PDE11A: variants seen among roughly 807,000 people sequenced by gnomAD.
PDE11A encodes dual 3',5'-cyclic-AMP and -GMP phosphodiesterase 11A.
PDE11A carries 100 observed loss-of-function variants against 100.5 expected under a neutral mutation model. The observed-to-expected ratio is 1.00, with a 90% confidence interval of 0.85 to 1.18. The LOEUF (loss-of-function observed/expected upper bound fraction) is 1.18, where lower values mean the gene tolerates loss of function less well. PDE11A is among the 50% of genes most tolerant of loss of function. PDE11A has a pLI of 0.00. For missense variants in PDE11A, 1,141 were observed against 1,152.6 expected (o/e 0.99, Z 0.15); for synonymous variants, 381 against 420.8 (o/e 0.91, Z 1.16).
intron 9 of PDE11A, 89 bp from the exon 10 acceptor site, chr2:177,769,462 TGTATATCACCTTGA>T: frequency 1.3e-6 from 1 of 757,800 alleles, no homozygotes; most frequent in Non-Finnish European, 2.3e-6. Context: ...GCTTTGCTTA[TGTATATCACCTTGA>T]TTTAAAGGTG....
At chr2:177,920,323 G>GA (rs2085021748) in intron 2 of PDE11A, among the ~76,000 whole-genome samples, 2 of 149,518 alleles carry the variant, frequency 1.3e-5, no homozygotes, top group South Asian at 2.1e-4. Flanking sequence ...CTCTAAGTAG[G>GA]AAAAAATCAG....
At chr2:177,980,778 G>A (rs984844832) in intron 2 of PDE11A, among the ~76,000 whole-genome samples, 7 of 150,496 alleles carry the variant, frequency 4.7e-5, no homozygotes, top group African/African-American at 1.5e-4. Flanking sequence ...TAAAAATTTC[G>A]AATTACAAAG....
At chr2:177,697,980 G>A (rs1212073435) in intron 14 of PDE11A, among the ~76,000 whole-genome samples, 2 of 152,156 alleles carry the variant, frequency 1.3e-5, no homozygotes, top group East Asian at 3.9e-4. Context: ...GTCACAAATG[G>A]CTAAGGTGCT....
intron 4 of PDE11A, chr2:177,888,569 G>A (rs13429906): frequency 0.029 from 5,960 of 207,636 alleles, 390 homozygotes; most frequent in African/African-American, 0.13. Flanking sequence ...AATCAAAAAA[G>A]GAGGTTAATA....
intron 19 of PDE11A, among the ~76,000 whole-genome samples, chr2:177,656,312 A>T (rs1447327208): frequency 6.6e-6 from 1 of 152,238 alleles, no homozygotes; most frequent in Non-Finnish European, 1.5e-5. Context: ...TACAGTATTC[A>T]GTGCAGTAAA....
upstream of PDE11A, chr2:178,072,872 G>C (rs939882794): frequency 2.6e-6 from 3 of 1,143,014 alleles, no homozygotes; most frequent in Non-Finnish European, 3.2e-6. Context: ...AGGGAGCCGC[G>C]GACGCCAGAC....
intron 10 of PDE11A, among the ~76,000 whole-genome samples, chr2:177,750,957 C>T (rs866581724): frequency 2.6e-5 from 4 of 152,084 alleles, no homozygotes; most frequent in Middle Eastern, 3.4e-3. Flanking sequence ...GCCCACTGCC[C>T]AACATTTTTT....
At chr2:178,085,438 A>G (rs1425891522) in intron 2 of PDE11A, among the ~76,000 whole-genome samples, 1 of 152,158 alleles carries the variant, frequency 6.6e-6, no homozygotes, top group African/African-American at 2.4e-5. Flanking sequence ...TATGCTCACT[A>G]CTTGGGTGAT....
chr2:177,758,175 T>C (rs57877880), intron 10 of PDE11A, among the ~76,000 whole-genome samples: 9,711 of 150,618 alleles, frequency 0.064, 335 homozygotes, highest in Middle Eastern at 0.15. Flanking sequence ...CAGGCGCCTG[T>C]AGTCCCAGCT....
intron 1 of PDE11A, among the ~76,000 whole-genome samples, chr2:178,051,303 T>C (rs2086823674): frequency 6.6e-6 from 1 of 152,132 alleles, no homozygotes; most frequent in African/African-American, 2.4e-5. Flanking sequence ...GACAAGCAAA[T>C]GCTGAGAGAT....
chr2:177,657,120 C>A (rs2080401407), intron 19 of PDE11A, among the ~76,000 whole-genome samples: 1 of 152,130 alleles, frequency 6.6e-6, no homozygotes, highest in Non-Finnish European at 1.5e-5. Context: ...GTGGAGGGGC[C>A]TATAAATTAC....
chr2:177,853,859 T>C (rs897959969), intron 5 of PDE11A, among the ~76,000 whole-genome samples: 1 of 144,758 alleles, frequency 6.9e-6, no homozygotes, highest in South Asian at 2.1e-4. Context: ...TGTATATATA[T>C]CTATATATGT....
intron 2 of PDE11A, among the ~76,000 whole-genome samples, chr2:178,101,786 A>G (rs2087562004): frequency 6.6e-6 from 1 of 152,162 alleles, no homozygotes. Context: ...TATTACCAGT[A>G]CCTAGTACCA....
At chr2:177,833,313 A>G (rs543104242) in intron 6 of PDE11A, among the ~76,000 whole-genome samples, 10 of 152,198 alleles carry the variant, frequency 6.6e-5, no homozygotes, top group Non-Finnish European at 1.3e-4. Context: ...ACATGTTGCA[A>G]ACTAAGTGAT....
chr2:178,050,596 C>T lies in PDE11A; in HGVS notation c.912+20930G>A, dbSNP rs556216118. ...GGGTGTTCGAACCCCTGCAAAGAAG[C>T]TAAAAACCTTGAAAAAAGATTGGAA... is the stretch of plus-strand genomic sequence containing the variant. On this transcript the variant is annotated intron_variant, in intron 1 of 19. Transcript: ENST00000286063. Among the ~76,000 whole-genome samples, 104 of 152,206 alleles carry T rather than the reference C, an allele frequency of 6.8e-4. No individual in the cohort carries two copies. In the Middle Eastern group the frequency reaches 0.01, roughly 15 times the overall value.
At chr2:177,643,645 G>C (rs749450635) in intron 19 of PDE11A, among the ~76,000 whole-genome samples, 3 of 152,114 alleles carry the variant, frequency 2.0e-5, no homozygotes, top group Non-Finnish European at 4.4e-5. Flanking sequence ...GCAGAAACTT[G>C]CATAAGTAAT....
At chr2:177,918,278 T>C (rs1376037289) in intron 2 of PDE11A, among the ~76,000 whole-genome samples, 1 of 152,218 alleles carries the variant, frequency 6.6e-6, no homozygotes, top group Non-Finnish European at 1.5e-5. Context: ...AAAGCCAAAA[T>C]ACTTTATTGC....
In PDE11A at chr2:178,025,852, A is replaced by G. The variant is rs562967878; in HGVS notation, c.913-11392T>C. 2.0e-5 allele frequency among the ~76,000 whole-genome samples: 3 copies of G among 152,316 alleles called. No homozygotes were observed. The South Asian group carries it at 6.2e-4, about 32-fold the overall frequency. ...AGGCACCTTTTTTTCTGACACAGTGAGACCATCTAAGAACTGCAATGAATC... is the reference window on the plus strand; with the variant it reads ...AGGCACCTTTTTTTCTGACACAGTGGGACCATCTAAGAACTGCAATGAATC... On this transcript the variant is annotated intron_variant, in intron 1 of 19. Transcript: ENST00000286063.
chr2:177,968,640 C>T (rs1305527539), intron 2 of PDE11A, among the ~76,000 whole-genome samples: 2 of 152,014 alleles, frequency 1.3e-5, no homozygotes. Flanking sequence ...CCAATTTTTC[C>T]ATTATTAAAA....
Sources: gnomAD v4.1 joint callset for allele counts (sites outside exome capture counted in the v4.1 genomes callset) on GRCh38, gnomAD v4.1.1 for gene constraint, MANE v1.5 for transcripts, NCBI Gene and HGNC (gene_info 2026-07-23, HGNC 2026-07-21) for gene names.